NDE1: variants seen among roughly 807,000 people sequenced by gnomAD.
NDE1 encodes nuclear distribution protein nudE homolog 1.
Under a neutral mutation model 43.4 loss-of-function variants are expected in NDE1, and 28 were observed. That is an observed-to-expected ratio of 0.65 (90% CI 0.48 to 0.89). NDE1 has a LOEUF of 0.89. NDE1 is among the 40% of genes least tolerant of loss of function. NDE1 has a pLI of 0.00. For missense variants in NDE1, 441 were observed against 434.1 expected, an observed-to-expected ratio of 1.02 and a Z score of -0.14; for synonymous variants, 184 against 172.0, an observed-to-expected ratio of 1.07 and a Z score of -0.55.
chr16:15,679,347 A>G (rs551365285), intron 4 of NDE1, among the ~76,000 whole-genome samples: 2 of 152,054 alleles, frequency 1.3e-5, no homozygotes, highest in East Asian at 1.9e-4. Flanking sequence ...TCCGTCTCGG[A>G]CGCCATCTAT....
At chr16:15,709,371 C>T (rs1193679933) in intron 8 of NDE1, among the ~76,000 whole-genome samples, 1 of 151,236 alleles carries the variant, frequency 6.6e-6, no homozygotes, top group Non-Finnish European at 1.5e-5. Flanking sequence ...AGTGCACTGG[C>T]ATGATCTATC....
intron 7 of NDE1, chr16:15,694,667 G>C: frequency 1.0e-6 from 1 of 985,336 alleles, no homozygotes; most frequent in Non-Finnish European, 1.2e-6. Flanking sequence ...GCAGTGTGGT[G>C]AGTTTTAGGT....
Position 15,724,565 on chromosome 16 carries a change from C to T in NDE1, c.*314C>T. The stretch of plus-strand genomic sequence containing the variant: ...GGTCAAGCACCATCGCACCAACACT[C>T]CACCGCGATCTGCCTGCGGGGGATC... On this transcript the variant is annotated 3_prime_UTR_variant, in exon 9 of 9. Transcript: ENST00000396354. The T allele has an allele frequency of 2.5e-6, 4 of 1,609,688 alleles. No homozygotes were observed. The South Asian group carries it at 4.4e-5, about 18-fold the overall frequency.
rs1434248207 is a variant in NDE1 at position 15,721,025 on chromosome 16, C to A, written c.948-3166C>A. 2 of 1,614,062 alleles carry A rather than the reference C, an allele frequency of 1.2e-6. No homozygotes were observed. Among genetic ancestry groups the A allele is most frequent in the East Asian group, 4.5e-5 (2 of 44,866 alleles). On this transcript the variant is annotated intron_variant, in intron 8 of 8. Coordinates refer to ENST00000396354, the MANE Select transcript of NDE1 (RefSeq NM_017668.3). ...TCTCCTCCATCTGGGTCTCCAGGGC[C>A]CGCTTGGACTTCTCCAGCTCATGGA... is the stretch of plus-strand genomic sequence containing the variant.
At chr16:15,694,511 G>C (rs1475644734) in intron 7 of NDE1, 29 of 1,206,662 alleles carry the variant, frequency 2.4e-5, no homozygotes, top group Non-Finnish European at 3.2e-5. Flanking sequence ...ATGCCTGGCT[G>C]ATACTTTCAT....
At position 15,705,430 on chromosome 16, in the gene NDE1, AAG is replaced by A. The variant is rs1237813553; in HGVS notation, c.947+8575_947+8576del. Among the ~76,000 whole-genome samples, 5 of 152,284 alleles carry A rather than the reference AAG, an allele frequency of 3.3e-5. No homozygotes were observed. The East Asian group carries it at 9.7e-4, about 29-fold the overall frequency. ...GTGAGGGGAGACTTTGGGTAGGAGG[AAG>A]AGAGTGGGCAGAAGAAGGAAAAATC... On this transcript the variant is annotated intron_variant, in intron 8 of 8. Coordinates refer to ENST00000396354, the MANE Select transcript of NDE1 (RefSeq NM_017668.3).
intron 1 of NDE1, among the ~76,000 whole-genome samples, chr16:15,663,306 C>G (rs1447830008): frequency 1.3e-5 from 2 of 150,804 alleles, no homozygotes; most frequent in Admixed American, 6.6e-5. Context: ...GCGGCACGAT[C>G]TCAGCTCACT....
rs142654744 is a variant in NDE1, at chr16:15,717,194, G to A, written c.948-6997G>A. ...CTGTGCAATCTTGGCCTCCAGCGCC[G>A]CGATGGTGGACTTGAACTTGGACTT... On this transcript the variant is annotated intron_variant, in intron 8 of 8. Transcript: ENST00000396354. 94 of 1,614,058 alleles carry A rather than the reference G, an allele frequency of 5.8e-5. No individual in the cohort carries two copies. In the African/African-American group the frequency reaches 9.5e-4, roughly 16 times the overall value.
chr16:15,647,822 G>C (rs2036360975), upstream of NDE1, among the ~76,000 whole-genome samples: 1 of 152,046 alleles, frequency 6.6e-6, no homozygotes, highest in Admixed American at 6.6e-5. Flanking sequence ...CTTGAGCCCA[G>C]GAGTTCAAGA....
rs150563887 is a variant in NDE1, at chr16:15,667,574, T to A, written c.237+135T>A. 6.9e-4 allele frequency: 724 copies of A among 1,042,594 alleles called. 2 individuals are homozygous for A. The African/African-American group carries it at 9.7e-3, about 14-fold the overall frequency. 64.6% of individuals were successfully genotyped at this position (1,042,594 alleles called of 1,614,324 possible). A position where few individuals can be genotyped will look rare whatever the true frequency, so the allele number is the denominator to read the frequency against. ...CCATGCTCATCTCTGGAAGGGCCTG[T>A]GCGGCAGACGTGATCTTTGAACTCT... is the stretch of plus-strand genomic sequence containing the variant. On this transcript the variant is annotated intron_variant, in intron 3 of 8. Transcript: ENST00000396354.
Position 15,664,724 on chromosome 16 carries a change from C to A in NDE1, c.-43-12C>A. ...CAGATGTGGGTAATCATTTTGAAAC[C>A]TTCTCTCCTAGACACCATGCCACAA... On this transcript the variant is annotated splice_polypyrimidine_tract_variant and intron_variant, in intron 1 of 8. Coordinates refer to ENST00000396354, the MANE Select transcript of NDE1 (RefSeq NM_017668.3). The A allele has an allele frequency of 7.5e-7, 1 of 1,340,714 alleles. No individual in the cohort carries two copies. The highest frequency in any genetic ancestry group is 1.1e-6 in the Non-Finnish European group (1 of 931,940). The allele number at this position is 1,340,714 out of a possible 1,614,324, so 83.1% of individuals were successfully genotyped here. A position where few individuals can be genotyped will look rare whatever the true frequency, so the allele number is the denominator to read the frequency against.
In NDE1 at chr16:15,724,472, C is replaced by A. The variant is rs1004294616; in HGVS notation, c.*221C>A. 2.5e-6 allele frequency: 4 copies of A among 1,610,050 alleles called. No individual in the cohort carries two copies. The highest frequency in any genetic ancestry group is 3.4e-6 in the Non-Finnish European group (4 of 1,178,810). ...CCATGAGTGGCCCCTGTCCCTGGCC[C>A]CACAGACTCTGAGAAGCGAAGACCA... is the stretch of plus-strand genomic sequence containing the variant. On this transcript the variant is annotated 3_prime_UTR_variant, in exon 9 of 9. Coordinates refer to ENST00000396354, the MANE Select transcript of NDE1 (RefSeq NM_017668.3).
At chr16:15,698,056 C>T (rs1180589) in intron 8 of NDE1, among the ~76,000 whole-genome samples, 2 of 152,126 alleles carry the variant, frequency 1.3e-5, no homozygotes, top group Non-Finnish European at 2.9e-5. Flanking sequence ...CCCACCTCGG[C>T]CTCTCAAAGT....
rs549155067 is a variant in NDE1 at position 15,675,262 on chromosome 16, G to A, written c.238-2539G>A. On this transcript the variant is annotated intron_variant, in intron 3 of 8. Coordinates refer to ENST00000396354, the MANE Select transcript of NDE1 (RefSeq NM_017668.3). ...TGCCCAGGCTGGAGTGCAATGGCACGATCTGGGCTCACTGCAACCTCCGCC... is the reference window on the plus strand; with the variant it reads ...TGCCCAGGCTGGAGTGCAATGGCACAATCTGGGCTCACTGCAACCTCCGCC... 6.3e-4 allele frequency among the ~76,000 whole-genome samples: 95 copies of A among 151,272 alleles called. 1 individual carries two copies. The highest frequency in any genetic ancestry group is 1.9e-3 in the African/African-American group (78 of 41,214).
At chr16:15,717,943 T>A in intron 8 of NDE1, 1 of 365,332 alleles carries the variant, frequency 2.7e-6, no homozygotes, top group Non-Finnish European at 5.2e-6. Flanking sequence ...TGGTCCCTAG[T>A]GCCCACCATG....
chr16:15,699,760 C>T, intron 8 of NDE1: 1 of 1,351,606 alleles, frequency 7.4e-7, no homozygotes, highest in Non-Finnish European at 9.8e-7. Flanking sequence ...TGGGAAGCCG[C>T]CTTCACACAT....
rs2037216719 is a variant in NDE1, at chr16:15,664,745, C to G, written c.-34C>G. ...AAACCTTCTCTCCTAGACACCATGCCACAAGGAGAGTGATCTCTTCCCCTG... is the reference window on the plus strand; with the variant it reads ...AAACCTTCTCTCCTAGACACCATGCGACAAGGAGAGTGATCTCTTCCCCTG... On this transcript the variant is annotated 5_prime_UTR_variant, in exon 2 of 9. Transcript: ENST00000396354. The G allele has an allele frequency of 3.4e-6, 5 of 1,491,508 alleles. No individual in the cohort carries two copies. In the Admixed American group the frequency reaches 6.7e-5, roughly 20 times the overall value. The allele number at this position is 1,491,508 out of a possible 1,614,324, so 92.4% of individuals were successfully genotyped here. A position where few individuals can be genotyped will look rare whatever the true frequency, so the allele number is the denominator to read the frequency against.
At chr16:15,666,884 C>T (rs979318849) in intron 2 of NDE1, among the ~76,000 whole-genome samples, 1 of 152,160 alleles carries the variant, frequency 6.6e-6, no homozygotes, top group African/African-American at 2.4e-5. Context: ...GCCACTGTAC[C>T]CAGCCCTTCC....
intron 4 of NDE1, among the ~76,000 whole-genome samples, chr16:15,682,085 T>C (rs1567643768): frequency 6.6e-6 from 1 of 152,266 alleles, no homozygotes; most frequent in East Asian, 1.9e-4. Context: ...GCATTGTTTT[T>C]GTTAATACAA....
Sources: gnomAD v4.1 joint callset for allele counts (sites outside exome capture counted in the v4.1 genomes callset) on GRCh38, gnomAD v4.1.1 for gene constraint, MANE v1.5 for transcripts, NCBI Gene and HGNC (gene_info 2026-07-23, HGNC 2026-07-21) for gene names.